Variants in RPH3A observed in about 807,000 individuals in gnomAD.
The protein encoded by RPH3A is rabphilin 3A, also known as rabphilin-3A.
Under a neutral mutation model 102.2 loss-of-function variants are expected in RPH3A, and 48 were observed. The ratio of observed to expected loss-of-function variants is 0.47; its 90% CI spans 0.37 to 0.60. The LOEUF is 0.60. RPH3A is among the 20% of genes least tolerant of loss of function. The pLI, the probability that RPH3A is intolerant of heterozygous loss-of-function variation, is 0.00. For synonymous variants in RPH3A, 310 were observed against 324.3 expected, an observed-to-expected ratio of 0.96 and a Z score of 0.47; for missense variants, 781 against 910.1, an observed-to-expected ratio of 0.86 and a Z score of 1.83.
At chr12:112,617,816 C>T (rs1427813804) in intron 1 of RPH3A, 2 of 152,250 alleles carry the variant, frequency 1.3e-5, no homozygotes, top group Non-Finnish European at 2.9e-5. Context: ...CCTCCTGCTT[C>T]AGCCTCCTGA....
chr12:112,748,652 A>G (rs912759801), intron 1 of RPH3A, among the ~76,000 whole-genome samples: 45 of 152,090 alleles, frequency 3.0e-4, no homozygotes, highest in Admixed American at 3.3e-4. Flanking sequence ...ACTCTTGAAC[A>G]TTCTTATATA....
chr12:112,778,885 G>A (rs1472194225), intron 1 of RPH3A, among the ~76,000 whole-genome samples: 1 of 152,196 alleles, frequency 6.6e-6, no homozygotes, highest in Non-Finnish European at 1.5e-5. Flanking sequence ...GGATGAGATA[G>A]ATGAATTAAT....
At chr12:112,785,854 G>C (rs2136080687) in intron 1 of RPH3A, among the ~76,000 whole-genome samples, 1 of 152,232 alleles carries the variant, frequency 6.6e-6, no homozygotes, top group Admixed American at 6.5e-5. Flanking sequence ...TCTTACTTAT[G>C]GTCACTTTGG....
intron 1 of RPH3A, among the ~76,000 whole-genome samples, chr12:112,687,667 C>T (rs2040276379): frequency 6.6e-6 from 1 of 152,218 alleles, no homozygotes; most frequent in South Asian, 2.1e-4. Context: ...CATGTCCATT[C>T]CCTGCTCCTG....
chr12:112,804,880 AATT>A, intron 2 of RPH3A, among the ~76,000 whole-genome samples: 1 of 152,270 alleles, frequency 6.6e-6, no homozygotes, highest in South Asian at 2.1e-4. Context: ...GGATTTTCCT[AATT>A]CAGGAAGGCT....
intron 2 of RPH3A, among the ~76,000 whole-genome samples, chr12:112,824,450 C>T (rs2041833298): frequency 6.6e-6 from 1 of 152,102 alleles, no homozygotes; most frequent in African/African-American, 2.4e-5. Flanking sequence ...AGGGGGGATC[C>T]AGATGAGGAA....
intron 1 of RPH3A, among the ~76,000 whole-genome samples, chr12:112,655,975 G>C (rs1490677459): frequency 1.3e-5 from 2 of 152,154 alleles, no homozygotes; most frequent in Non-Finnish European, 2.9e-5. Context: ...GGACATGCTT[G>C]CCTAGTGAGC....
At chr12:112,734,167 A>G (rs1230053041) in intron 1 of RPH3A, among the ~76,000 whole-genome samples, 2 of 152,182 alleles carry the variant, frequency 1.3e-5, no homozygotes, top group Admixed American at 6.5e-5. Context: ...AGATTGTACT[A>G]CCATATTTTT....
At chr12:112,805,385 C>A (rs1439983280) in intron 2 of RPH3A, among the ~76,000 whole-genome samples, 1 of 151,980 alleles carries the variant, frequency 6.6e-6, no homozygotes, top group Non-Finnish European at 1.5e-5. Context: ...GGGTTAGGGT[C>A]GCACCAGGAA....
chr12:112,758,564 A>T (rs1470139353), intron 1 of RPH3A, among the ~76,000 whole-genome samples: 1 of 152,272 alleles, frequency 6.6e-6, no homozygotes, highest in African/African-American at 2.4e-5. Flanking sequence ...AAATGTTCCA[A>T]TTGCTATTTC....
At chr12:112,838,813 T>G (rs4766659) in intron 4 of RPH3A, among the ~76,000 whole-genome samples, 1 of 151,856 alleles carries the variant, frequency 6.6e-6, no homozygotes, top group Non-Finnish European at 1.5e-5. Flanking sequence ...CATTTTGCCC[T>G]GTTTGTATTT....
At chr12:112,769,745 G>A (rs757461148) in intron 1 of RPH3A, among the ~76,000 whole-genome samples, 5 of 152,160 alleles carry the variant, frequency 3.3e-5, no homozygotes, top group Admixed American at 3.3e-4. Flanking sequence ...TATGGACTGG[G>A]GTCAGGCTAT....
chr12:112,682,867 A>G (rs2040236925), intron 1 of RPH3A, among the ~76,000 whole-genome samples: 1 of 152,244 alleles, frequency 6.6e-6, no homozygotes, highest in Non-Finnish European at 1.5e-5. Context: ...TACAAGCTGT[A>G]TCACCTGCTT....
intron 1 of RPH3A, chr12:112,649,329 G>A (rs1349930785): frequency 6.6e-6 from 1 of 152,222 alleles, no homozygotes; most frequent in East Asian, 1.9e-4. Flanking sequence ...AACGCTCTAT[G>A]CAATGCTTTA....
Position 112,862,236 on chromosome 12 carries a change from T to TC in RPH3A, c.231-3169dup, listed in dbSNP as rs1364314038. 5.8e-4 allele frequency among the ~76,000 whole-genome samples: 82 copies of TC among 141,972 alleles called. 1 individual carries two copies. Among genetic ancestry groups the TC allele is most frequent in the African/African-American group, 1.1e-3 (40 of 36,862 alleles). 93.1% of individuals were successfully genotyped at this position (141,972 alleles called of 152,430 possible). On this transcript the variant is annotated intron_variant, in intron 5 of 21. Transcript: ENST00000389385. ...GTCTGGGCCACAGAGTGAGACTCAG[T>TC]CCCCCCCCCAAAAAAAAAGTTAGCC...
intron 1 of RPH3A, among the ~76,000 whole-genome samples, chr12:112,686,695 G>C (rs1223644618): frequency 6.6e-6 from 1 of 152,228 alleles, no homozygotes; most frequent in Non-Finnish European, 1.5e-5. Flanking sequence ...AGAGAGCCCA[G>C]CTGAGATCAT....
intron 2 of RPH3A, 121 bp downstream of exon 2, chr12:112,792,384 A>AT (rs1565882943): frequency 6.6e-6 from 1 of 152,222 alleles, no homozygotes; most frequent in Non-Finnish European, 1.5e-5. Context: ...TCGAGGAACG[A>AT]CTATGCTTAT....
chr12:112,748,349 T>G (rs2040762414), intron 1 of RPH3A, among the ~76,000 whole-genome samples: 1 of 152,144 alleles, frequency 6.6e-6, no homozygotes, highest in Non-Finnish European at 1.5e-5. Context: ...ACTGTTTTTT[T>G]TTGAGACAGC....
At chr12:112,887,566 T>A (rs1361242701) in intron 16 of RPH3A, among the ~76,000 whole-genome samples, 1 of 152,218 alleles carries the variant, frequency 6.6e-6, no homozygotes, top group Non-Finnish European at 1.5e-5. Flanking sequence ...TATATACAAA[T>A]GCAAGGGTTC....
Sources: allele counts gnomAD v4.1 joint callset (sites outside exome capture counted in the v4.1 genomes callset), GRCh38; gene constraint gnomAD v4.1.1; transcripts MANE v1.5; gene names NCBI Gene and HGNC (gene_info 2026-07-23, HGNC 2026-07-21).